The following MAEA variants were observed in gnomAD, a reference collection of about 807,000 sequenced individuals.
MAEA encodes macrophage erythroblast attacher, E3 ubiquitin ligase.
In MAEA, 22 loss-of-function variants were observed where a neutral mutation model predicts 46.2. That is an observed-to-expected ratio of 0.48 (90% CI 0.34 to 0.68). MAEA has a LOEUF of 0.68. Ranked by LOEUF, MAEA falls within the 30% of genes least tolerant of loss-of-function variation. The pLI is 0.01. For synonymous variants in MAEA, 246 were observed against 222.6 expected, an observed-to-expected ratio of 1.11 and a Z score of -0.94; for missense variants, 393 against 558.1, an observed-to-expected ratio of 0.70 and a Z score of 2.98.
intron 4 of MAEA, among the ~76,000 whole-genome samples, chr4:1,324,073 A>C (rs1577208449): frequency 6.6e-6 from 1 of 150,742 alleles, no homozygotes; most frequent in Admixed American, 6.6e-5. Context: ...CTGGTGTTGG[A>C]TGGAGTTGAG....
chr4:1,304,460 A>G (rs996508463), intron 1 of MAEA, among the ~76,000 whole-genome samples: 1 of 152,064 alleles, frequency 6.6e-6, no homozygotes, highest in Non-Finnish European at 1.5e-5. Context: ...TATTTATTTG[A>G]GACGGAGTCT....
At chr4:1,338,355 CACA>C in intron 7 of MAEA, 64 bp from the exon 8 acceptor site, 1 of 1,340,056 alleles carries the variant, frequency 7.5e-7, no homozygotes, top group Non-Finnish European at 1.0e-6. Context: ...GCAGAGTGGC[CACA>C]GGGGGCTGGG....
At chr4:1,337,777 C>A in intron 7 of MAEA, 1 of 175,770 alleles carries the variant, frequency 5.7e-6, no homozygotes, top group Non-Finnish European at 1.2e-5. Context: ...TGTGACTCAG[C>A]CTCTTACTGA....
chr4:1,303,183 T>C lies in MAEA; in HGVS notation c.70-8796T>C, dbSNP rs968179425. Among the ~76,000 whole-genome samples the C allele has an allele frequency of 2.1e-5, 3 of 141,516 alleles. No individual in the cohort carries two copies. In the Admixed American group the frequency reaches 2.2e-4, roughly 11 times the overall value. The allele number at this position is 141,516 out of a possible 152,430, so 92.8% of individuals were successfully genotyped here. On this transcript the variant is annotated intron_variant, in intron 1 of 8. Transcript: ENST00000303400. The stretch of plus-strand genomic sequence containing the variant: ...GCGGGTGGATCATGAGCTCAGGAGA[T>C]TGAGACCGTCCTGGCCAACATGGTG...
intron 2 of MAEA, among the ~76,000 whole-genome samples, chr4:1,314,079 G>C (rs1210643887): frequency 6.6e-6 from 1 of 152,188 alleles, no homozygotes; most frequent in Admixed American, 6.5e-5. Context: ...TGCAATCCCA[G>C]CACTTTGGGA....
At position 1,329,290 on chromosome 4, in the gene MAEA, T is replaced by A. The variant is rs1334245727; in HGVS notation, c.656+1587T>A. ...TGTGTTCCCCCCGCTCCGCGTAGGG[T>A]CTCTTTGCCTGTGTTCCCCCCGCTC... On this transcript the variant is annotated intron_variant, in intron 5 of 8. Coordinates refer to ENST00000303400, the MANE Select transcript of MAEA (RefSeq NM_001017405.3). The A allele has an allele frequency of 3.1e-6, 3 of 982,562 alleles. No individual in the cohort carries two copies. The African/African-American group carries it at 5.3e-5, about 17-fold the overall frequency. The allele number at this position is 982,562 out of a possible 1,614,324, so 60.9% of individuals were successfully genotyped here.
intron 1 of MAEA, among the ~76,000 whole-genome samples, chr4:1,295,129 G>A (rs979154061): frequency 2.0e-5 from 3 of 152,088 alleles, no homozygotes; most frequent in African/African-American, 4.8e-5. Flanking sequence ...AGACAAGGCC[G>A]GCCGGTGCCT....
At chr4:1,325,219 TTTG>T (rs749401829) in intron 4 of MAEA, among the ~76,000 whole-genome samples, 1 of 152,134 alleles carries the variant, frequency 6.6e-6, no homozygotes, top group Non-Finnish European at 1.5e-5. Flanking sequence ...GAGACCCAAG[TTTG>T]ACCTGGCTGA....
intron 8 of MAEA, 69 bp downstream of exon 8, chr4:1,338,686 G>A (rs1465317568): frequency 1.4e-6 from 2 of 1,453,586 alleles, no homozygotes; most frequent in East Asian, 2.5e-5. Context: ...TGTGGGACGG[G>A]CAGGGCAGGG....
chr4:1,339,216 G>T lies in MAEA; in HGVS notation c.*47G>T. ...GCCTCGGGGACGGGCTGCAGTGGGC[G>T]GGGAGGCCACGCCTTCCTCCTGTCC... On this transcript the variant is annotated 3_prime_UTR_variant, in exon 9 of 9. Transcript: ENST00000303400. 1 of 1,445,634 alleles carries T rather than the reference G, an allele frequency of 6.9e-7. No individual in the cohort carries two copies. The allele number at this position is 1,445,634 out of a possible 1,614,324, so 89.6% of individuals were successfully genotyped here.
At chr4:1,334,105 CGTGCT>C (rs1454170186) in intron 6 of MAEA, among the ~76,000 whole-genome samples, 1,754 of 18,550 alleles carry the variant, frequency 0.095, 656 homozygotes, top group Non-Finnish European at 0.14. Flanking sequence ...CCATGCCTAC[CGTGCT>C]CACCCCCATG....
intron 4 of MAEA, among the ~76,000 whole-genome samples, chr4:1,325,772 G>A (rs948221634): frequency 6.6e-6 from 1 of 152,176 alleles, no homozygotes; most frequent in Non-Finnish European, 1.5e-5. Flanking sequence ...ACCGAAGTCT[G>A]CCTGCTGATT....
intron 3 of MAEA, among the ~76,000 whole-genome samples, chr4:1,318,974 A>G (rs998298740): frequency 7.5e-6 from 1 of 133,826 alleles, no homozygotes; most frequent in Non-Finnish European, 1.6e-5. Flanking sequence ...ACACAGGAAC[A>G]GGACAGGAAG....
intron 1 of MAEA, among the ~76,000 whole-genome samples, chr4:1,292,324 A>G (rs1734176509): frequency 6.6e-6 from 1 of 152,310 alleles, no homozygotes; most frequent in Middle Eastern, 3.4e-3. Context: ...GGTGGGTTTC[A>G]GCAGTAACAC....
chr4:1,308,196 G>C (rs1223407395), intron 1 of MAEA, among the ~76,000 whole-genome samples: 1 of 151,956 alleles, frequency 6.6e-6, no homozygotes, highest in South Asian at 2.1e-4. Flanking sequence ...ACTGCAGGCA[G>C]CTGTTCCACG....
chr4:1,326,546 G>A (rs1738842109), intron 4 of MAEA, among the ~76,000 whole-genome samples: 2 of 152,174 alleles, frequency 1.3e-5, no homozygotes, highest in African/African-American at 4.8e-5. Flanking sequence ...TCAGATTGAG[G>A]GTTGGGCTTC....
At chr4:1,332,480 CG>C in intron 5 of MAEA, 1 of 297,252 alleles carries the variant, frequency 3.4e-6, no homozygotes. Flanking sequence ...TTTGGGAGGC[CG>C]GGGCAGGAAG....
At chr4:1,309,958 G>A in intron 1 of MAEA, 1 of 1,256,692 alleles carries the variant, frequency 8.0e-7, no homozygotes. Context: ...GACGTCCAGA[G>A]AGGCCTTTCC....
At chr4:1,330,693 G>A (rs10012582) in intron 5 of MAEA, 46,116 of 152,054 alleles carry the variant, frequency 0.3, 10,152 homozygotes, top group African/African-American at 0.6. Flanking sequence ...TAAAAGTCAC[G>A]GTTTTGTTTC....
Sources: allele counts gnomAD v4.1 joint callset (sites outside exome capture counted in the v4.1 genomes callset), GRCh38; gene constraint gnomAD v4.1.1; transcripts MANE v1.5; gene names NCBI Gene and HGNC (gene_info 2026-07-23, HGNC 2026-07-21).